GPR158: variants seen among roughly 807,000 people sequenced by gnomAD.
The protein encoded by GPR158 is metabotropic glycine receptor.
In GPR158, 30 loss-of-function variants were observed where a neutral mutation model predicts 78.2. The observed-to-expected ratio is 0.38, with a 90% CI of 0.29 to 0.52. GPR158 has a LOEUF of 0.52. GPR158 is among the 20% of genes least tolerant of loss of function. GPR158 has a pLI of 0.83. For synonymous variants in GPR158, 581 were observed against 591.1 expected (o/e 0.98, Z 0.25); for missense variants, 1,463 against 1,523.5 (o/e 0.96, Z 0.66).
chr10:25,217,069 A>G (rs1239008107), intron 1 of GPR158, among the ~76,000 whole-genome samples: 1 of 152,208 alleles, frequency 6.6e-6, no homozygotes, highest in Non-Finnish European at 1.5e-5. Context: ...CTTGGGCTTC[A>G]GCAACCCTTA....
In GPR158 at chr10:25,349,386, T is replaced by C. The variant is rs112606107; in HGVS notation, c.1009-46525T>C. On this transcript the variant is annotated intron_variant, in intron 2 of 10. Coordinates refer to ENST00000376351, the MANE Select transcript of GPR158 (RefSeq NM_020752.3). ...CTTAAACACATTTGCAAAGTTTCTT[T>C]TCCCATATGATATGGTTCGGCTCTG... Among the ~76,000 whole-genome samples the C allele has an allele frequency of 5.7e-4, 84 of 148,036 alleles. 4 individuals are homozygous for C. The highest frequency in any genetic ancestry group is 1.0e-3 in the Non-Finnish European group (70 of 67,912).
At position 25,421,349 on chromosome 10, in the gene GPR158, GCTTT is replaced by G. The variant is rs566443072; in HGVS notation, c.1335+8879_1335+8882del. Among the ~76,000 whole-genome samples, 5 of 152,110 alleles carry G rather than the reference GCTTT, an allele frequency of 3.3e-5. No homozygotes were observed. In the South Asian group the frequency reaches 8.3e-4, roughly 25 times the overall value. On this transcript the variant is annotated intron_variant, in intron 4 of 10. Coordinates refer to ENST00000376351, the MANE Select transcript of GPR158 (RefSeq NM_020752.3). ...TTAGCAATTGATGTTCCTCCTTCGT[GCTTT>G]CTATTTCCTGTGATTTATGGGAGGG...
chr10:25,206,614 T>C (rs933243199), intron 1 of GPR158, among the ~76,000 whole-genome samples: 1 of 152,120 alleles, frequency 6.6e-6, no homozygotes, highest in African/African-American at 2.4e-5. Context: ...GTTAAATATT[T>C]TTCCTGTTTT....
chr10:25,321,421 A>T (rs1057503160), intron 2 of GPR158, among the ~76,000 whole-genome samples: 1 of 152,190 alleles, frequency 6.6e-6, no homozygotes, highest in Admixed American at 6.5e-5. Context: ...CTAATTTTAG[A>T]TCCAGTACAT....
rs558766066 is a variant in GPR158 at position 25,506,470 on chromosome 10, G to A, written c.1404+39751G>A. 2.0e-5 allele frequency among the ~76,000 whole-genome samples: 3 copies of A among 152,298 alleles called. 1 individual carries two copies. The South Asian group carries it at 6.2e-4, about 32-fold the overall frequency. ...ATAAGCATATGAAAATATAAGTAAA[G>A]AAGAAAGTCATCTTTGAAGCATTCT... On this transcript the variant is annotated intron_variant, in intron 5 of 10. Coordinates refer to ENST00000376351, the MANE Select transcript of GPR158 (RefSeq NM_020752.3).
intron 5 of GPR158, among the ~76,000 whole-genome samples, chr10:25,483,514 GT>G (rs1368729055): frequency 6.6e-6 from 1 of 151,938 alleles, no homozygotes; most frequent in Non-Finnish European, 1.5e-5. Flanking sequence ...AGAATTGATC[GT>G]TTTTTACATG....
intron 2 of GPR158, among the ~76,000 whole-genome samples, chr10:25,238,072 C>T (rs780254971): frequency 6.6e-6 from 1 of 151,928 alleles, no homozygotes; most frequent in Non-Finnish European, 1.5e-5. Flanking sequence ...TCTCCTTCTT[C>T]TTCCTTCTTT....
At chr10:25,207,831 T>C (rs1462082427) in intron 1 of GPR158, among the ~76,000 whole-genome samples, 2 of 152,226 alleles carry the variant, frequency 1.3e-5, no homozygotes, top group Non-Finnish European at 1.5e-5. Flanking sequence ...GGTTGATTAG[T>C]GGGCTTCATG....
intron 4 of GPR158, among the ~76,000 whole-genome samples, chr10:25,449,940 A>T (rs71495461): frequency 0.058 from 8,850 of 152,000 alleles, 575 homozygotes; most frequent in African/African-American, 0.16. Flanking sequence ...GTAAAATGTG[A>T]CTTACTAAAT....
chr10:25,497,079 G>A (rs1370170769), intron 5 of GPR158, among the ~76,000 whole-genome samples: 2 of 152,198 alleles, frequency 1.3e-5, no homozygotes, highest in Non-Finnish European at 2.9e-5. Flanking sequence ...AAGAGGCTGA[G>A]ATAGGAGCTC....
chr10:25,492,401 T>C (rs559073131), intron 5 of GPR158, among the ~76,000 whole-genome samples: 1 of 149,260 alleles, frequency 6.7e-6, no homozygotes, highest in African/African-American at 2.6e-5. Context: ...GTGGCACTTT[T>C]TTTTTCTTTT....
chr10:25,482,223 G>T (rs887885259), intron 5 of GPR158, among the ~76,000 whole-genome samples: 1 of 151,860 alleles, frequency 6.6e-6, no homozygotes, highest in Non-Finnish European at 1.5e-5. Context: ...TCACTCTATT[G>T]CCCAGGCTGG....
chr10:25,433,587 G>T (rs189634945), intron 4 of GPR158, among the ~76,000 whole-genome samples: 2 of 147,960 alleles, frequency 1.4e-5, no homozygotes, highest in African/African-American at 5.2e-5. Context: ...GCGCGTGCGC[G>T]TGCGCATATA....
intron 2 of GPR158, among the ~76,000 whole-genome samples, chr10:25,375,745 T>C (rs1440531791): frequency 1.3e-5 from 2 of 151,658 alleles, no homozygotes; most frequent in Non-Finnish European, 3.0e-5. Context: ...AAATTGAATC[T>C]TTTGCCTATT....
intron 2 of GPR158, among the ~76,000 whole-genome samples, chr10:25,256,274 C>A (rs1475016235): frequency 6.6e-6 from 1 of 152,012 alleles, no homozygotes. Context: ...TAAAAAGAAG[C>A]TGTGTGTTTA....
In GPR158 at chr10:25,175,144, C is replaced by G. The variant is rs1335309571; in HGVS notation, c.-277C>G. On this transcript the variant is annotated 5_prime_UTR_variant, in exon 1 of 11. Transcript: ENST00000376351. This position sits in a 1 kb window ranked among gnomAD's most constrained non-coding sequence, Gnocchi z 6.4. ...CGCTGGGAGCGCGAGGCCATGTAAC[C>G]CGCTCGGCTCCAGGCTGCGAGGTGC... The G allele has an allele frequency of 2.9e-6, 1 of 349,024 alleles. No homozygotes were observed. Among genetic ancestry groups the G allele is most frequent in the Non-Finnish European group, 5.2e-6 (1 of 192,048 alleles). The allele number at this position is 349,024 out of a possible 1,614,324, so 21.6% of individuals were successfully genotyped here. A position where few individuals can be genotyped will look rare whatever the true frequency, so the allele number is the denominator to read the frequency against.
chr10:25,541,350 T>G (rs1204446271), intron 5 of GPR158, among the ~76,000 whole-genome samples: 1 of 152,120 alleles, frequency 6.6e-6, no homozygotes, highest in Non-Finnish European at 1.5e-5. Flanking sequence ...TGTGAATATC[T>G]TCTCCCAGCA....
intron 2 of GPR158, among the ~76,000 whole-genome samples, chr10:25,231,048 C>T (rs1853440927): frequency 6.6e-6 from 1 of 152,176 alleles, no homozygotes; most frequent in Non-Finnish European, 1.5e-5. Context: ...TCTCATTGTC[C>T]TTGTACTGGT....
chr10:25,452,731 G>A (rs1221830647), intron 4 of GPR158, among the ~76,000 whole-genome samples: 1 of 152,174 alleles, frequency 6.6e-6, no homozygotes, highest in African/African-American at 2.4e-5. Flanking sequence ...TATATTCAAA[G>A]TGTACAACAT....
Sources: allele counts gnomAD v4.1 joint callset (sites outside exome capture counted in the v4.1 genomes callset), GRCh38; gene constraint gnomAD v4.1.1; non-coding constraint Gnocchi (gnomAD v3.1); transcripts MANE v1.5; gene names NCBI Gene and HGNC (gene_info 2026-07-23, HGNC 2026-07-21).